Variants in CAB39 observed in about 807,000 individuals in gnomAD.
CAB39 encodes the protein calcium binding protein 39.
A neutral mutation model predicts 40.0 loss-of-function variants in CAB39; 8 were observed. That is an observed-to-expected ratio of 0.20 (90% CI 0.12 to 0.36). The LOEUF is 0.36. Ranked by LOEUF, CAB39 falls within the 10% of genes least tolerant of loss-of-function variation. The pLI is 1.00. For missense variants in CAB39, 270 were observed against 401.1 expected (o/e 0.67, Z 2.79); for synonymous variants, 156 against 141.6 (o/e 1.10, Z -0.72).
At chr2:230,720,964 T>G (rs1440500357) in intron 1 of CAB39, among the ~76,000 whole-genome samples, 1 of 152,242 alleles carries the variant, frequency 6.6e-6, no homozygotes, top group Non-Finnish European at 1.5e-5. Context: ...TTATAAGTTT[T>G]TCCTATGTAT....
chr2:230,792,478 C>G (rs972065099), intron 3 of CAB39, among the ~76,000 whole-genome samples: 5 of 152,196 alleles, frequency 3.3e-5, no homozygotes, highest in African/African-American at 1.2e-4. Flanking sequence ...CTCCTATGGG[C>G]TTGTTAGCCT....
At chr2:230,753,967 C>T (rs929556702) in intron 1 of CAB39, among the ~76,000 whole-genome samples, 1 of 152,090 alleles carries the variant, frequency 6.6e-6, no homozygotes, top group African/African-American at 2.4e-5. Context: ...CACCCACCAA[C>T]CATCTAAATT....
At chr2:230,748,161 A>C (rs755702730) in intron 1 of CAB39, among the ~76,000 whole-genome samples, 3 of 151,378 alleles carry the variant, frequency 2.0e-5, no homozygotes, top group Non-Finnish European at 4.4e-5. Context: ...GAAGCCTGAC[A>C]TCTGTCCTGT....
intron 1 of CAB39, among the ~76,000 whole-genome samples, chr2:230,757,835 C>G (rs1326727273): frequency 2.6e-5 from 4 of 152,094 alleles, no homozygotes; most frequent in African/African-American, 4.8e-5. Context: ...CGCCCACTCC[C>G]CTGCCCAAAG....
chr2:230,770,373 T>G (rs541728191), intron 2 of CAB39, among the ~76,000 whole-genome samples: 3 of 152,232 alleles, frequency 2.0e-5, no homozygotes, highest in South Asian at 4.1e-4. Flanking sequence ...TTAGATGAAA[T>G]GGACAAACTC....
At chr2:230,801,941 A>T (rs1262927287) in intron 5 of CAB39, among the ~76,000 whole-genome samples, 7 of 152,040 alleles carry the variant, frequency 4.6e-5, no homozygotes, top group African/African-American at 1.4e-4. Context: ...AGTAAACCAG[A>T]TGGCCAAATA....
intron 1 of CAB39, among the ~76,000 whole-genome samples, chr2:230,733,135 A>G (rs1694724560): frequency 6.6e-6 from 1 of 152,200 alleles, no homozygotes; most frequent in Non-Finnish European, 1.5e-5. Flanking sequence ...ATAGTCACAG[A>G]TTAGTAGGGG....
intron 2 of CAB39, among the ~76,000 whole-genome samples, chr2:230,788,455 T>C (rs1042605258): frequency 6.6e-6 from 1 of 152,210 alleles, no homozygotes; most frequent in East Asian, 1.9e-4. Context: ...TTATTTTTGC[T>C]TTAAAGAGCC....
chr2:230,817,956 C>G (rs536307134), intron 8 of CAB39, 59 bp downstream of exon 8: 29 of 1,446,370 alleles, frequency 2.0e-5, no homozygotes, highest in Non-Finnish European at 2.7e-5. Flanking sequence ...GTCTTTCATT[C>G]GCAAATAACG....
chr2:230,716,538 A>G (rs1423777790), intron 1 of CAB39, among the ~76,000 whole-genome samples: 1 of 152,186 alleles, frequency 6.6e-6, no homozygotes, highest in African/African-American at 2.4e-5. Context: ...CATTGTTTCT[A>G]TTCCAGCTCT....
chr2:230,794,836 T>C (rs1183894227), intron 4 of CAB39, among the ~76,000 whole-genome samples: 1 of 123,808 alleles, frequency 8.1e-6, no homozygotes, highest in Non-Finnish European at 1.6e-5. Flanking sequence ...CTCTGACACA[T>C]GACATCACTC....
intron 2 of CAB39, among the ~76,000 whole-genome samples, chr2:230,787,022 G>C (rs1272839482): frequency 6.6e-6 from 1 of 152,050 alleles, no homozygotes; most frequent in African/African-American, 2.4e-5. Context: ...TACTGAGGGG[G>C]ATTATTAGGA....
At chr2:230,806,929 T>A in intron 5 of CAB39, among the ~76,000 whole-genome samples, 1 of 152,234 alleles carries the variant, frequency 6.6e-6, no homozygotes, top group Non-Finnish European at 1.5e-5. Context: ...TCACATGATG[T>A]TTCAGCCCAA....
intron 3 of CAB39, among the ~76,000 whole-genome samples, 185 bp downstream of exon 3, chr2:230,791,221 C>G (rs1695887544): frequency 1.3e-5 from 2 of 152,184 alleles, no homozygotes; most frequent in Non-Finnish European, 2.9e-5. Flanking sequence ...AGGGGTGTTT[C>G]AGGCTTGGGA....
intron 4 of CAB39, among the ~76,000 whole-genome samples, chr2:230,798,180 G>T (rs1212858586): frequency 6.6e-6 from 1 of 152,188 alleles, no homozygotes. Context: ...GGGACACTTT[G>T]TGAAGTCCTC....
chr2:230,774,865 AGGTGGG>A (rs1010605381), intron 2 of CAB39, among the ~76,000 whole-genome samples: 31 of 151,490 alleles, frequency 2.0e-4, no homozygotes, highest in African/African-American at 7.0e-4. Context: ...TTTAGTAAAG[AGGTGGG>A]GGTTGGGGGA....
chr2:230,725,526 A>G (rs1575900981), intron 1 of CAB39: 3 of 935,180 alleles, frequency 3.2e-6, no homozygotes, highest in East Asian at 2.6e-5. Flanking sequence ...TTTTGTCCTC[A>G]TATTTTTAGG....
intron 2 of CAB39, 88 bp downstream of exon 2, chr2:230,760,203 G>T: frequency 4.4e-6 from 3 of 688,866 alleles, no homozygotes; most frequent in Non-Finnish European, 4.9e-6. Flanking sequence ...TCCCAATTTG[G>T]GTTTATTTTG....
intron 5 of CAB39, among the ~76,000 whole-genome samples, chr2:230,801,984 A>C (rs1233026330): frequency 6.6e-6 from 1 of 152,108 alleles, no homozygotes; most frequent in African/African-American, 2.4e-5. Context: ...TTGAGGAATT[A>C]AGGAGATGGA....
Sources: gnomAD v4.1 joint callset for allele counts (sites outside exome capture counted in the v4.1 genomes callset) on GRCh38, gnomAD v4.1.1 for gene constraint, MANE v1.5 for transcripts, NCBI Gene and HGNC (gene_info 2026-07-23, HGNC 2026-07-21) for gene names.